Variants in NRXN3 observed in about 807,000 individuals in gnomAD.
The protein encoded by NRXN3 is neurexin 3, also known as neurexin III.
In NRXN3, 32 loss-of-function variants were observed where a neutral mutation model predicts 137.6. The ratio of observed to expected loss-of-function variants is 0.23; its 90% confidence interval spans 0.18 to 0.31. NRXN3 has a LOEUF of 0.31. Among genes scored for constraint, NRXN3 ranks in the 10% least tolerant of loss-of-function variants. NRXN3 has a pLI of 1.00. For synonymous variants in NRXN3, 798 were observed against 784.5 expected (o/e 1.02, Z -0.29); for missense variants, 1,574 against 2,062.5 (o/e 0.76, Z 4.59).
intron 15 of NRXN3, among the ~76,000 whole-genome samples, chr14:79,163,166 C>G (rs918860661): frequency 6.6e-6 from 1 of 151,838 alleles, no homozygotes; most frequent in African/African-American, 2.4e-5. Flanking sequence ...CAAAAATAAA[C>G]TTATCAGTAG....
intron 4 of NRXN3, among the ~76,000 whole-genome samples, chr14:78,434,988 A>T (rs2094013155): frequency 6.6e-6 from 1 of 152,208 alleles, no homozygotes; most frequent in Admixed American, 6.5e-5. Flanking sequence ...AAGCCATTCA[A>T]CAATTTCTGG....
At chr14:78,970,450 G>A (rs1028562384) in intron 14 of NRXN3, among the ~76,000 whole-genome samples, 5 of 152,014 alleles carry the variant, frequency 3.3e-5, no homozygotes, top group Admixed American at 1.3e-4. Flanking sequence ...TATACTTGCA[G>A]CACACCTCAA....
At chr14:79,316,221 T>C (rs571545881) in intron 15 of NRXN3, among the ~76,000 whole-genome samples, 1 of 152,342 alleles carries the variant, frequency 6.6e-6, no homozygotes, top group South Asian at 2.1e-4. Flanking sequence ...CATTTGCTTG[T>C]TTCCAACACC....
chr14:78,330,398 C>A (rs1412825634), intron 4 of NRXN3, among the ~76,000 whole-genome samples: 2 of 152,054 alleles, frequency 1.3e-5, no homozygotes, highest in East Asian at 1.9e-4. Context: ...TAAGAAAATT[C>A]TTCCTCTCAT....
At position 79,380,564 on chromosome 14, in the gene NRXN3, A is replaced by G. The variant is rs920794191; in HGVS notation, c.3263-86657A>G. Among the ~76,000 whole-genome samples the G allele has an allele frequency of 4.4e-4, 67 of 152,122 alleles. 1 individual carries two copies. The highest frequency in any genetic ancestry group is 1.6e-4 in the Non-Finnish European group (11 of 68,020). The stretch of plus-strand genomic sequence containing the variant: ...ATGGCCGCATAGTATTCCATGGTGT[A>G]TATGTGCCACATTTTCTTAATCCAG... On this transcript the variant is annotated intron_variant, in intron 15 of 20. Coordinates refer to ENST00000335750, the MANE Select transcript of NRXN3 (RefSeq NM_001330195.2).
chr14:79,429,302 G>C (rs1489352133), intron 15 of NRXN3, among the ~76,000 whole-genome samples: 5 of 152,112 alleles, frequency 3.3e-5, no homozygotes, highest in African/African-American at 1.2e-4. Context: ...CAACCATAGG[G>C]CTCCGTTGTC....
intron 4 of NRXN3, among the ~76,000 whole-genome samples, chr14:78,314,688 C>A (rs946342768): frequency 1.3e-5 from 2 of 152,162 alleles, no homozygotes; most frequent in African/African-American, 4.8e-5. Context: ...GCTACAGTGA[C>A]AGTCTCTGCC....
intron 4 of NRXN3, among the ~76,000 whole-genome samples, chr14:78,312,585 A>ATTT (rs61609923): frequency 7.3e-5 from 11 of 150,246 alleles, no homozygotes; most frequent in African/African-American, 2.7e-4. Flanking sequence ...AAAAAGAAAC[A>ATTT]TTTTTTTTTT....
At chr14:79,558,159 C>A (rs558773331) in intron 16 of NRXN3, among the ~76,000 whole-genome samples, 1 of 152,220 alleles carries the variant, frequency 6.6e-6, no homozygotes, top group African/African-American at 2.4e-5. Context: ...TTCCTTCCCC[C>A]ACTGAAGCCT....
At chr14:78,687,491 T>G (rs2098134481) in intron 6 of NRXN3, among the ~76,000 whole-genome samples, 1 of 152,198 alleles carries the variant, frequency 6.6e-6, no homozygotes, top group Non-Finnish European at 1.5e-5. Flanking sequence ...ACATTGAGTA[T>G]GCGAGGTGAG....
At chr14:79,115,810 A>G (rs926885505) in intron 15 of NRXN3, among the ~76,000 whole-genome samples, 2 of 152,208 alleles carry the variant, frequency 1.3e-5, no homozygotes, top group African/African-American at 4.8e-5. Context: ...TTTGTTCCTC[A>G]ATAGAATGCC....
intron 2 of NRXN3, among the ~76,000 whole-genome samples, chr14:78,262,528 C>T (rs137997582): frequency 1.3e-5 from 2 of 152,224 alleles, no homozygotes; most frequent in South Asian, 2.1e-4. Context: ...ACTTATTGCT[C>T]GAATAGCTGC....
At chr14:79,680,916 G>A (rs1017778803) in intron 17 of NRXN3, among the ~76,000 whole-genome samples, 88 of 152,056 alleles carry the variant, frequency 5.8e-4, no homozygotes, top group African/African-American at 2.0e-3. Context: ...ACTCATTATC[G>A]TCTTGGAGTC....
intron 6 of NRXN3, among the ~76,000 whole-genome samples, chr14:78,656,903 T>C (rs1022476942): frequency 6.6e-6 from 1 of 151,520 alleles, no homozygotes; most frequent in African/African-American, 2.4e-5. Context: ...CAAAATTAGC[T>C]GGGCGTGGTG....
intron 4 of NRXN3, among the ~76,000 whole-genome samples, chr14:78,322,937 T>C (rs1224034837): frequency 6.6e-6 from 1 of 152,048 alleles, no homozygotes; most frequent in Non-Finnish European, 1.5e-5. Flanking sequence ...TATGCCTTTC[T>C]GCAATGTGTG....
intron 4 of NRXN3, among the ~76,000 whole-genome samples, chr14:78,488,867 T>G (rs1392482367): frequency 3.3e-4 from 35 of 106,450 alleles, no homozygotes; most frequent in South Asian, 6.4e-4. Flanking sequence ...GAGTGGGGAG[T>G]GAAGAGGAGA....
intron 19 of NRXN3, among the ~76,000 whole-genome samples, chr14:79,784,659 G>C (rs114941395): frequency 7.4e-6 from 1 of 134,810 alleles, no homozygotes; most frequent in Non-Finnish European, 1.5e-5. Context: ...AAGTTCAAAC[G>C]AGCACAGCAT....
chr14:79,283,912 T>A (rs2081729694), intron 15 of NRXN3, among the ~76,000 whole-genome samples: 1 of 151,566 alleles, frequency 6.6e-6, no homozygotes, highest in Non-Finnish European at 1.5e-5. Flanking sequence ...GTGCAAGGAG[T>A]GGGTGGAGAT....
chr14:79,328,990 C>G (rs2091298891), intron 15 of NRXN3, among the ~76,000 whole-genome samples: 1 of 152,070 alleles, frequency 6.6e-6, no homozygotes, highest in Non-Finnish European at 1.5e-5. Context: ...GGTGGTTGGT[C>G]AATTCATGGA....
Sources: allele counts gnomAD v4.1 joint callset (sites outside exome capture counted in the v4.1 genomes callset), GRCh38; gene constraint gnomAD v4.1.1; transcripts MANE v1.5; gene names NCBI Gene and HGNC (gene_info 2026-07-23, HGNC 2026-07-21).